Variants in RABGAP1L observed in about 807,000 individuals in gnomAD.
RABGAP1L encodes rab GTPase-activating protein 1-like.
A neutral mutation model predicts 137.7 loss-of-function variants in RABGAP1L; 63 were observed. That is an observed-to-expected ratio of 0.46 (90% confidence interval 0.37 to 0.56). RABGAP1L has a LOEUF of 0.56. RABGAP1L is among the 20% of genes least tolerant of loss of function. The pLI, the probability that RABGAP1L is intolerant of heterozygous loss-of-function variation, is 0.00. For missense variants in RABGAP1L, 1,095 were observed against 1,244.0 expected, an observed-to-expected ratio of 0.88 and a Z score of 1.80; for synonymous variants, 431 against 433.7, an observed-to-expected ratio of 0.99 and a Z score of 0.08.
intron 14 of RABGAP1L, among the ~76,000 whole-genome samples, chr1:174,669,202 C>G (rs899692029): frequency 2.6e-5 from 4 of 152,088 alleles, no homozygotes; most frequent in African/African-American, 9.7e-5. Flanking sequence ...AGAATGAATG[C>G]AGGAGGAACT....
chr1:174,458,977 T>G (rs1329091179), intron 13 of RABGAP1L, among the ~76,000 whole-genome samples: 2 of 152,122 alleles, frequency 1.3e-5, no homozygotes, highest in Non-Finnish European at 2.9e-5. Flanking sequence ...CATATATGAC[T>G]TAAGAGAATT....
intron 19 of RABGAP1L, among the ~76,000 whole-genome samples, chr1:174,934,770 A>G (rs1194102447): frequency 6.6e-6 from 1 of 152,176 alleles, no homozygotes; most frequent in Non-Finnish European, 1.5e-5. Context: ...CAGCCTAGGC[A>G]CCAGAGTGAT....
intron 11 of RABGAP1L, among the ~76,000 whole-genome samples, chr1:174,344,993 C>G (rs1284438374): frequency 6.6e-6 from 1 of 152,056 alleles, no homozygotes. Context: ...TAGTTTCATC[C>G]CTCTGCATAT....
chr1:174,723,899 T>A (rs553655570), intron 17 of RABGAP1L, among the ~76,000 whole-genome samples: 1 of 152,318 alleles, frequency 6.6e-6, no homozygotes, highest in South Asian at 2.1e-4. Flanking sequence ...ATCAAGGTAA[T>A]GCCATGGTGA....
intron 13 of RABGAP1L, among the ~76,000 whole-genome samples, chr1:174,566,012 G>A (rs955627671): frequency 6.6e-6 from 1 of 151,462 alleles, no homozygotes; most frequent in African/African-American, 2.4e-5. Flanking sequence ...AGTTCCTCAA[G>A]TAGCTGGGAC....
At chr1:174,639,182 C>T (rs542351763) in intron 14 of RABGAP1L, among the ~76,000 whole-genome samples, 35 of 151,804 alleles carry the variant, frequency 2.3e-4, no homozygotes, top group Non-Finnish European at 3.7e-4. Context: ...CTTACTTTTT[C>T]TCTCTCTCAT....
intron 11 of RABGAP1L, among the ~76,000 whole-genome samples, chr1:174,360,819 T>C (rs986321299): frequency 6.6e-5 from 10 of 152,190 alleles, no homozygotes; most frequent in African/African-American, 2.4e-4. Context: ...TCTCTTAATA[T>C]TGGACTTTGA....
chr1:174,622,274 A>C (rs1265722989), intron 13 of RABGAP1L, among the ~76,000 whole-genome samples: 2 of 152,230 alleles, frequency 1.3e-5, no homozygotes, highest in South Asian at 2.1e-4. Context: ...AACTAGTTCA[A>C]CCATTGTGGA....
intron 14 of RABGAP1L, among the ~76,000 whole-genome samples, chr1:174,676,935 C>A (rs1273690107): frequency 6.6e-6 from 1 of 152,024 alleles, no homozygotes; most frequent in Non-Finnish European, 1.5e-5. Flanking sequence ...CTAAAGGAGT[C>A]ATCTGTAGAT....
At chr1:174,711,425 C>T (rs1193286497) in intron 17 of RABGAP1L, among the ~76,000 whole-genome samples, 3 of 152,072 alleles carry the variant, frequency 2.0e-5, no homozygotes, top group Non-Finnish European at 2.9e-5. Flanking sequence ...ACCGAGGCTG[C>T]GCACAGTGCT....
chr1:174,709,294 TG>T (rs1415562842), intron 17 of RABGAP1L, among the ~76,000 whole-genome samples: 2 of 152,180 alleles, frequency 1.3e-5, no homozygotes, highest in African/African-American at 4.8e-5. Context: ...AAGAGAACAG[TG>T]GATCTCCCAG....
At chr1:174,289,657 A>G (rs1045708684) in intron 10 of RABGAP1L, among the ~76,000 whole-genome samples, 1 of 152,202 alleles carries the variant, frequency 6.6e-6, no homozygotes, top group African/African-American at 2.4e-5. Flanking sequence ...CTAGTCTGCC[A>G]AGCCTGGGCT....
intron 4 of RABGAP1L, among the ~76,000 whole-genome samples, chr1:174,239,469 G>C (rs1671594510): frequency 6.6e-6 from 1 of 152,012 alleles, no homozygotes; most frequent in African/African-American, 2.4e-5. Flanking sequence ...ATCTTTCCCT[G>C]ATTTTCCAAT....
At chr1:174,186,288 A>G (rs1666802833) in intron 1 of RABGAP1L, among the ~76,000 whole-genome samples, 1 of 152,218 alleles carries the variant, frequency 6.6e-6, no homozygotes, top group African/African-American at 2.4e-5. Flanking sequence ...TATTGGACAT[A>G]GAAACTCCCA....
chr1:174,569,039 T>C (rs995322616), intron 13 of RABGAP1L, among the ~76,000 whole-genome samples: 5 of 152,316 alleles, frequency 3.3e-5, no homozygotes, highest in African/African-American at 1.2e-4. Flanking sequence ...TCTATTATTG[T>C]CTCCATTTTA....
chr1:174,671,962 T>C (rs1677207320), intron 14 of RABGAP1L, among the ~76,000 whole-genome samples: 1 of 152,112 alleles, frequency 6.6e-6, no homozygotes, highest in Non-Finnish European at 1.5e-5. Flanking sequence ...TTTTTGTTGA[T>C]AGGAGACTTT....
chr1:174,778,171 A>T (rs1442598236), intron 18 of RABGAP1L, among the ~76,000 whole-genome samples: 1 of 152,220 alleles, frequency 6.6e-6, no homozygotes, highest in African/African-American at 2.4e-5. Flanking sequence ...ATCCAAAGGA[A>T]AAAAGATAAT....
rs561758318 is a variant in RABGAP1L, at chr1:174,345,524, A to G, written c.1466-25455A>G. On this transcript the variant is annotated intron_variant, in intron 11 of 25. Transcript: ENST00000681986. ...TTCGCTTGTTTGGTTAAGTTAATTC[A>G]TAGGTATTTAATTATTTTTTAGATT... Among the ~76,000 whole-genome samples, 11 of 152,108 alleles carry G rather than the reference A, an allele frequency of 7.2e-5. No homozygotes were observed. In the South Asian group the frequency reaches 1.9e-3, roughly 26 times the overall value.
intron 13 of RABGAP1L, among the ~76,000 whole-genome samples, chr1:174,427,317 C>CT (rs1270401998): frequency 2.0e-5 from 3 of 152,050 alleles, no homozygotes; most frequent in African/African-American, 4.8e-5. Flanking sequence ...ATCAAATTTT[C>CT]TTTTTTTGAT....
Sources: allele counts gnomAD v4.1 joint callset (sites outside exome capture counted in the v4.1 genomes callset), GRCh38; gene constraint gnomAD v4.1.1; transcripts MANE v1.5; gene names NCBI Gene and HGNC (gene_info 2026-07-23, HGNC 2026-07-21).